TUSC3: variants seen among roughly 807,000 people sequenced by gnomAD.
The protein encoded by TUSC3 is tumor suppressor candidate 3, also known as dolichyl-diphosphooligosaccharide--protein glycosyltransferase subunit TUSC3.
Under a neutral mutation model 44.8 loss-of-function variants are expected in TUSC3, and 45 were observed. The ratio of observed to expected loss-of-function variants is 1.00; its 90% CI spans 0.79 to 1.29. The LOEUF is 1.29. TUSC3 is among the 50% of genes most tolerant of loss of function. TUSC3 has a pLI of 0.00. For synonymous variants in TUSC3, 212 were observed against 152.9 expected, an observed-to-expected ratio of 1.39 and a Z score of -2.85; for missense variants, 519 against 437.9, an observed-to-expected ratio of 1.19 and a Z score of -1.65.
At chr8:15,677,357 A>T (rs780781636) in intron 6 of TUSC3, among the ~76,000 whole-genome samples, 4 of 152,136 alleles carry the variant, frequency 2.6e-5, no homozygotes, top group Non-Finnish European at 5.9e-5. Context: ...GTGACATTTT[A>T]TATGCTTACA....
intron 6 of TUSC3, among the ~76,000 whole-genome samples, chr8:15,683,744 T>G (rs762095942): frequency 9.9e-5 from 15 of 152,208 alleles, no homozygotes; most frequent in Non-Finnish European, 1.9e-4. Context: ...CACTGATTCC[T>G]TCTCAGAAGG....
chr8:15,718,934 A>C (rs1176213597), intron 6 of TUSC3, among the ~76,000 whole-genome samples: 1 of 152,054 alleles, frequency 6.6e-6, no homozygotes, highest in African/African-American at 2.4e-5. Flanking sequence ...ATATGTACAT[A>C]TATATGTATA....
chr8:15,809,535 T>C, the TUSC3 span, among the ~76,000 whole-genome samples: 1 of 152,208 alleles, frequency 6.6e-6, no homozygotes. Flanking sequence ...TCTAGTCCTA[T>C]ATATGTTGTT....
chr8:15,846,181 A>G, the TUSC3 span, among the ~76,000 whole-genome samples: 6 of 152,198 alleles, frequency 3.9e-5, no homozygotes, highest in Admixed American at 3.9e-4. Context: ...ATGGGGACAC[A>G]GCCAAACCAT....
At chr8:15,566,608 TGTTG>T (rs753598731) in intron 1 of TUSC3, among the ~76,000 whole-genome samples, 1 of 149,826 alleles carries the variant, frequency 6.7e-6, no homozygotes, top group Non-Finnish European at 1.5e-5. Context: ...CACATTTTTT[TGTTG>T]TTGTTGTTGT....
At chr8:15,460,721 G>A (rs1237141927) in intron 1 of TUSC3, among the ~76,000 whole-genome samples, 1 of 152,146 alleles carries the variant, frequency 6.6e-6, no homozygotes, top group Non-Finnish European at 1.5e-5. Context: ...TGAGAGATGA[G>A]GATCCAGTTT....
the TUSC3 span, among the ~76,000 whole-genome samples, chr8:15,833,201 A>T: frequency 6.6e-6 from 1 of 152,182 alleles, no homozygotes; most frequent in African/African-American, 2.4e-5. Context: ...CTAAAAAGTC[A>T]AAAAATAACA....
chr8:15,801,962 T>A, the TUSC3 span, among the ~76,000 whole-genome samples: 1 of 152,202 alleles, frequency 6.6e-6, no homozygotes, highest in Non-Finnish European at 1.5e-5. Flanking sequence ...GTCTCTTAGC[T>A]TTTCCTATCA....
At chr8:15,688,496 T>A (rs1041761678) in intron 6 of TUSC3, among the ~76,000 whole-genome samples, 1 of 151,146 alleles carries the variant, frequency 6.6e-6, no homozygotes, top group Non-Finnish European at 1.5e-5. Context: ...ATAGTTAAAT[T>A]GTGTGTCACA....
rs74914921 is a variant in TUSC3, at chr8:15,613,423, A to T, written c.139-9657A>T. On this transcript the variant is annotated intron_variant, in intron 1 of 10. Transcript: ENST00000503731. ...GGAAAAGAAATTTGAGTGTCTTAGC[A>T]TTTGTAAGATGCAGTGCTAAGAGTT... is the stretch of plus-strand genomic sequence containing the variant. Among the ~76,000 whole-genome samples the T allele has an allele frequency of 3.0e-4, 45 of 152,288 alleles. No homozygotes were observed. The East Asian group carries it at 7.7e-3, about 26-fold the overall frequency.
chr8:15,507,859 A>G (rs1470298769), intron 2 of TUSC3, among the ~76,000 whole-genome samples: 3 of 152,200 alleles, frequency 2.0e-5, no homozygotes, highest in Non-Finnish European at 4.4e-5. Flanking sequence ...GGCCTCCCCA[A>G]GAGGTACAGT....
chr8:15,459,335 CTG>C (rs1491578523), intron 1 of TUSC3, among the ~76,000 whole-genome samples: 2 of 152,106 alleles, frequency 1.3e-5, no homozygotes, highest in Admixed American at 1.3e-4. Flanking sequence ...CTGTTCATAA[CTG>C]TCAGTATTCT....
intron 6 of TUSC3, among the ~76,000 whole-genome samples, chr8:15,726,713 G>T (rs544054748): frequency 6.6e-6 from 1 of 152,148 alleles, no homozygotes; most frequent in Non-Finnish European, 1.5e-5. Flanking sequence ...GGCTGAGGCA[G>T]GATAATCGTT....
downstream of TUSC3, among the ~76,000 whole-genome samples, chr8:15,767,183 A>T (rs2721229): frequency 0.31 from 46,798 of 151,992 alleles, 7,979 homozygotes; most frequent in East Asian, 0.46. Context: ...ATTCACGAGC[A>T]TCTGCCATTT....
chr8:15,850,875 C>A, the TUSC3 span, among the ~76,000 whole-genome samples: 1 of 152,142 alleles, frequency 6.6e-6, no homozygotes, highest in Admixed American at 6.5e-5. Context: ...TGAGTTGAAA[C>A]CTCCTTCGAA....
Position 15,646,759 on chromosome 8 carries a change from T to C in TUSC3, c.309-3938T>C, listed in dbSNP as rs1311431585. 1.5e-4 allele frequency among the ~76,000 whole-genome samples: 23 copies of C among 152,286 alleles called. No individual in the cohort carries two copies. In the East Asian group the frequency reaches 4.2e-3, roughly 28 times the overall value. On this transcript the variant is annotated intron_variant, in intron 2 of 10. Coordinates refer to ENST00000503731, the MANE Select transcript of TUSC3 (RefSeq NM_006765.4). Reference sequence around the variant, plus strand: ...GGCCAGAGATGATCCTACCAGAGAATGTTTCTGCTTTGTAATTTTTTTCTT... The same window carrying C: ...GGCCAGAGATGATCCTACCAGAGAACGTTTCTGCTTTGTAATTTTTTTCTT...
intron 1 of TUSC3, among the ~76,000 whole-genome samples, chr8:15,429,258 G>T (rs1042393362): frequency 2.0e-4 from 31 of 152,140 alleles, no homozygotes; most frequent in African/African-American, 6.8e-4. Flanking sequence ...TTTGTCAGGT[G>T]TGTCAAAGAT....
At chr8:15,846,472 G>A in the TUSC3 span, among the ~76,000 whole-genome samples, 679 of 152,226 alleles carry the variant, frequency 4.5e-3, 5 homozygotes, top group African/African-American at 0.015. Context: ...AACCATCAAT[G>A]ATAGACTGGA....
intron 1 of TUSC3, among the ~76,000 whole-genome samples, chr8:15,456,849 C>G (rs1294573574): frequency 6.6e-6 from 1 of 151,992 alleles, no homozygotes; most frequent in African/African-American, 2.4e-5. Context: ...GTATATAGTT[C>G]AGATCTTGTA....
Sources: gnomAD v4.1 joint callset for allele counts (sites outside exome capture counted in the v4.1 genomes callset) on GRCh38, gnomAD v4.1.1 for gene constraint, MANE v1.5 for transcripts, NCBI Gene and HGNC (gene_info 2026-07-23, HGNC 2026-07-21) for gene names.